The following MAN1C1 variants were observed in gnomAD, a reference collection of about 807,000 sequenced individuals.
The protein encoded by MAN1C1 is mannosyl-oligosaccharide 1,2-alpha-mannosidase IC.
Under a neutral mutation model 71.5 loss-of-function variants are expected in MAN1C1, and 49 were observed. The ratio of observed to expected loss-of-function variants is 0.69; its 90% CI spans 0.54 to 0.87. MAN1C1 has a LOEUF of 0.87. MAN1C1 is among the 40% of genes least tolerant of loss of function. The pLI, the probability that MAN1C1 is intolerant of heterozygous loss-of-function variation, is 0.00. For synonymous variants in MAN1C1, 352 were observed against 343.7 expected, an observed-to-expected ratio of 1.02 and a Z score of -0.27; for missense variants, 743 against 835.0, an observed-to-expected ratio of 0.89 and a Z score of 1.36.
chr1:25,708,642 T>C (rs2046559766), intron 2 of MAN1C1, among the ~76,000 whole-genome samples: 1 of 152,190 alleles, frequency 6.6e-6, no homozygotes, highest in South Asian at 2.1e-4. Context: ...CCCAGCACTT[T>C]GGGAGGCCGA....
At chr1:25,657,494 A>G (rs1272724812) in intron 1 of MAN1C1, among the ~76,000 whole-genome samples, 1 of 152,244 alleles carries the variant, frequency 6.6e-6, no homozygotes, top group Admixed American at 6.5e-5. Context: ...TCATCCGCAC[A>G]CAGAAGCAAT....
chr1:25,643,499 G>A (rs1442641821), intron 1 of MAN1C1, among the ~76,000 whole-genome samples: 2 of 139,476 alleles, frequency 1.4e-5, no homozygotes, highest in Non-Finnish European at 3.0e-5. Flanking sequence ...ACGAACTCCT[G>A]ATCTCAGATA....
At chr1:25,683,981 G>T (rs1037357410) in intron 1 of MAN1C1, among the ~76,000 whole-genome samples, 4 of 152,152 alleles carry the variant, frequency 2.6e-5, no homozygotes, top group Non-Finnish European at 5.9e-5. Context: ...ATGAAAACGG[G>T]CCACGTTCCA....
intron 1 of MAN1C1, among the ~76,000 whole-genome samples, chr1:25,647,963 A>C (rs542853940): frequency 6.6e-6 from 1 of 152,162 alleles, no homozygotes; most frequent in East Asian, 1.9e-4. Context: ...CTATCCTCCC[A>C]CCCCTTGCTG....
At chr1:25,752,743 GCCT>G (rs2047233170) in intron 4 of MAN1C1, among the ~76,000 whole-genome samples, 1 of 152,240 alleles carries the variant, frequency 6.6e-6, no homozygotes, top group African/African-American at 2.4e-5. Flanking sequence ...GGGCCGTGAG[GCCT>G]GGGACCTCGC....
In MAN1C1 at chr1:25,645,715, T is replaced by G. The variant is rs570557961; in HGVS notation, c.540+27378T>G. The G allele has an allele frequency of 9.2e-5, 14 of 152,350 alleles. No individual in the cohort carries two copies. The East Asian group carries it at 2.5e-3, about 27-fold the overall frequency. 9.4% of individuals were successfully genotyped at this position (152,350 alleles called of 1,614,324 possible). On this transcript the variant is annotated intron_variant, in intron 1 of 11. Coordinates refer to ENST00000374332, the MANE Select transcript of MAN1C1 (RefSeq NM_020379.4). The stretch of plus-strand genomic sequence containing the variant: ...AGGGAGAGTCATTTGGCAAAGTTCC[T>G]GCTGAAACTGCCATCCACTTATGTC...
chr1:25,632,416 T>C (rs1349850056), intron 1 of MAN1C1, among the ~76,000 whole-genome samples: 1 of 152,190 alleles, frequency 6.6e-6, no homozygotes, highest in Admixed American at 6.5e-5. Flanking sequence ...ATCTAGCTAA[T>C]GGTCTATCAA....
At chr1:25,719,371 C>T (rs2046728906) in intron 2 of MAN1C1, among the ~76,000 whole-genome samples, 2 of 149,892 alleles carry the variant, frequency 1.3e-5, no homozygotes, top group Admixed American at 1.3e-4. Flanking sequence ...CTGTGCCCAG[C>T]CCCAATACTT....
intron 6 of MAN1C1, chr1:25,761,138 G>A (rs987609506): frequency 2.0e-5 from 3 of 152,146 alleles, no homozygotes; most frequent in Non-Finnish European, 4.4e-5. Flanking sequence ...ATCCCTTGTC[G>A]GTTATGAGGG....
At position 25,711,180 on chromosome 1, in the gene MAN1C1, G is replaced by A. The variant is rs2046608550; in HGVS notation, c.637+24644G>A. ...CAGACAGAAGCACACAGTCTCTTAAGACCTAGGCTCAGAACTGGCACACAG... is the reference window on the plus strand; with the variant it reads ...CAGACAGAAGCACACAGTCTCTTAAAACCTAGGCTCAGAACTGGCACACAG... On this transcript the variant is annotated intron_variant, in intron 2 of 11. Transcript: ENST00000374332. This position sits in a 1 kb window ranked among gnomAD's most constrained non-coding sequence, Gnocchi z 4.3. Among the ~76,000 whole-genome samples, 1 of 152,192 alleles carries A rather than the reference G, an allele frequency of 6.6e-6. No individual in the cohort carries two copies. The highest frequency in any genetic ancestry group is 6.5e-5 in the Admixed American group (1 of 15,286).
chr1:25,642,543 A>G (rs752683646), intron 1 of MAN1C1, among the ~76,000 whole-genome samples: 1 of 152,212 alleles, frequency 6.6e-6, no homozygotes, highest in Non-Finnish European at 1.5e-5. Context: ...CCCAGGGCTT[A>G]ATGATGGTCC....
intron 2 of MAN1C1, among the ~76,000 whole-genome samples, chr1:25,721,223 G>A (rs1423051311): frequency 6.6e-6 from 1 of 152,088 alleles, no homozygotes; most frequent in East Asian, 1.9e-4. Context: ...CTAGCTTCAA[G>A]CAATCCTTCA....
In MAN1C1 at chr1:25,617,003, C is replaced by T. The variant is rs1275248039; in HGVS notation, c.-795C>T. Among the ~76,000 whole-genome samples, 6 of 151,700 alleles carry T rather than the reference C, an allele frequency of 4.0e-5. No individual in the cohort carries two copies. The highest frequency in any genetic ancestry group is 1.4e-4 in the African/African-American group (6 of 41,380). On this transcript the variant is annotated 5_prime_UTR_variant, in exon 1 of 12. Transcript: ENST00000374332. The surrounding 1 kb of genome is among the most constrained non-coding windows in gnomAD (Gnocchi z 5.1). ...GTGATCCCAGTGGGAGCCCCGCGCC[C>T]TGCCGAGTTCGAGGGGCGGGAGCCC...
intron 2 of MAN1C1, among the ~76,000 whole-genome samples, chr1:25,716,457 T>G (rs1171336196): frequency 1.3e-5 from 2 of 152,218 alleles, no homozygotes; most frequent in Non-Finnish European, 1.5e-5. Context: ...CTCAGCCTTC[T>G]GAGCAGCTGG....
At chr1:25,760,099 C>CGAATG (rs1199853117) in intron 6 of MAN1C1, 1 of 152,174 alleles carries the variant, frequency 6.6e-6, no homozygotes. Context: ...TGACCAGCTC[C>CGAATG]GAATGGAGTG....
At chr1:25,643,586 T>TTTA (rs376041844) in intron 1 of MAN1C1, among the ~76,000 whole-genome samples, 7,028 of 139,794 alleles carry the variant, frequency 0.05, 300 homozygotes, top group African/African-American at 0.12. Context: ...TATATATATA[T>TTTA]TTATTATTAT....
Position 25,634,468 on chromosome 1 carries a change from A to G in MAN1C1, c.540+16131A>G, listed in dbSNP as rs1335013146. Among the ~76,000 whole-genome samples, 1 of 152,182 alleles carries G rather than the reference A, an allele frequency of 6.6e-6. No homozygotes were observed. The highest frequency in any genetic ancestry group is 6.6e-5 in the Admixed American group (1 of 15,262). ...TTTGTCACATGCTTTTTCTGCATCT[A>G]TGGAGATTATATTGTTTTCCTCTTT... On this transcript the variant is annotated intron_variant, in intron 1 of 11. Coordinates refer to ENST00000374332, the MANE Select transcript of MAN1C1 (RefSeq NM_020379.4). This position sits in a 1 kb window ranked among gnomAD's most constrained non-coding sequence, Gnocchi z 4.6.
At chr1:25,635,737 C>T (rs1189574351) in intron 1 of MAN1C1, among the ~76,000 whole-genome samples, 5 of 152,218 alleles carry the variant, frequency 3.3e-5, no homozygotes, top group Non-Finnish European at 7.3e-5. Flanking sequence ...GTATGAGCCA[C>T]TATACCCCAC....
At chr1:25,727,961 G>A (rs1036574139) in intron 2 of MAN1C1, among the ~76,000 whole-genome samples, 1 of 152,220 alleles carries the variant, frequency 6.6e-6, no homozygotes, top group Non-Finnish European at 1.5e-5. Flanking sequence ...AAAATCAGGC[G>A]TGCGTCTTCC....
Sources: gnomAD v4.1 joint callset for allele counts (sites outside exome capture counted in the v4.1 genomes callset) on GRCh38, gnomAD v4.1.1 for gene constraint, Gnocchi (gnomAD v3.1) non-coding constraint, MANE v1.5 for transcripts, NCBI Gene and HGNC (gene_info 2026-07-23, HGNC 2026-07-21) for gene names.